ITGAL: variants seen among roughly 807,000 people sequenced by gnomAD.
The protein encoded by ITGAL is integrin alpha-L.
A neutral mutation model predicts 138.4 loss-of-function variants in ITGAL; 68 were observed. The ratio of observed to expected loss-of-function variants is 0.49; its 90% CI spans 0.40 to 0.60. The LOEUF (loss-of-function observed/expected upper bound fraction) is 0.60. Ranked by LOEUF, ITGAL falls within the 20% of genes least tolerant of loss-of-function variation. The probability of loss-of-function intolerance (pLI) is 0.00; values close to 1 mark genes in which losing one functional copy is unlikely to be tolerated. For synonymous variants in ITGAL, 561 were observed against 584.3 expected, an observed-to-expected ratio of 0.96 and a Z score of 0.57; for missense variants, 1,256 against 1,478.6, an observed-to-expected ratio of 0.85 and a Z score of 2.47.
In ITGAL at chr16:30,517,651, G is replaced by T; in HGVS notation, c.2979G>T (p.Glu993Asp). The T allele has an allele frequency of 6.2e-7, 1 of 1,613,920 alleles. No individual in the cohort carries two copies. The highest frequency in any genetic ancestry group is 1.3e-5 in the African/African-American group (1 of 75,028). The stretch of plus-strand genomic sequence containing the variant: ...GAAGACCTGCCGCTTGTTCCTAGGA[G>T]CCTCCCGTGCCCTGCCACTATGAGG... ...PITHQWSVQM[E>D]PPVPCHYEDL... Residue 993 changes from glutamate (E) to aspartate (D), a missense_variant and splice_region_variant, in exon 27 of 31, where the codon GAG (glutamate) becomes GAT (aspartate). Coordinates refer to ENST00000356798, the MANE Select transcript of ITGAL (RefSeq NM_002209.3).
chr16:30,479,532 G>A, intron 6 of ITGAL, 71 bp downstream of exon 6: 1 of 1,471,066 alleles, frequency 6.8e-7, no homozygotes, highest in Admixed American at 1.9e-5. Context: ...AACCATGAAA[G>A]GAAATGTTAG....
chr16:30,506,324 C>T (rs756511583), intron 20 of ITGAL, among the ~76,000 whole-genome samples: 3 of 146,960 alleles, frequency 2.0e-5, no homozygotes, highest in Non-Finnish European at 4.5e-5. Context: ...GAGGCCGAGG[C>T]GGGCGGATCA....
intron 20 of ITGAL, among the ~76,000 whole-genome samples, chr16:30,506,428 G>A (rs1261437375): frequency 6.6e-6 from 1 of 150,682 alleles, no homozygotes; most frequent in Non-Finnish European, 1.5e-5. Flanking sequence ...GCATGGTGGT[G>A]GGCGCCCGTA....
At chr16:30,521,200 A>G (rs904893176) in intron 30 of ITGAL, among the ~76,000 whole-genome samples, 1 of 152,122 alleles carries the variant, frequency 6.6e-6, no homozygotes, top group African/African-American at 2.4e-5. Context: ...TGAGGTCAGG[A>G]GTTCAAGACC....
At chr16:30,500,134 G>A (rs2050873570) in intron 17 of ITGAL, among the ~76,000 whole-genome samples, 1 of 150,154 alleles carries the variant, frequency 6.7e-6, no homozygotes, top group Admixed American at 6.7e-5. Flanking sequence ...CACCCAGGCT[G>A]GAGTGCAGTG....
intron 13 of ITGAL, 156 bp downstream of exon 13, chr16:30,495,006 A>G: frequency 1.3e-6 from 1 of 750,838 alleles, no homozygotes; most frequent in Non-Finnish European, 2.1e-6. Flanking sequence ...GAAAGACTGT[A>G]TGCAGGGTCC....
intron 25 of ITGAL, 119 bp from the exon 26 acceptor site, chr16:30,516,854 A>C: frequency 1.1e-5 from 8 of 750,272 alleles, no homozygotes; most frequent in Admixed American, 1.8e-5. Flanking sequence ...CCTAACCGAC[A>C]AGGGCCCTGG....
intron 23 of ITGAL, 26 bp downstream of exon 23, chr16:30,510,986 G>T (rs781037344): frequency 6.2e-7 from 1 of 1,613,444 alleles, no homozygotes; most frequent in Non-Finnish European, 8.5e-7. Context: ...CCACATCCCT[G>T]CCATGGTCTC....
At chr16:30,481,410 T>G in intron 6 of ITGAL, 29 bp from the exon 7 acceptor site, 1 of 1,561,172 alleles carries the variant, frequency 6.4e-7, no homozygotes, top group Non-Finnish European at 8.8e-7. Context: ...GATATATAAC[T>G]GAATGTCATT....
At chr16:30,498,616 T>C (rs2050838408) in intron 15 of ITGAL, 1 of 154,314 alleles carries the variant, frequency 6.5e-6, no homozygotes, top group Non-Finnish European at 1.4e-5. Context: ...TCACCATTAT[T>C]GGCCAGGCAT....
chr16:30,495,841 T>G (rs968739536), intron 13 of ITGAL, among the ~76,000 whole-genome samples: 10 of 151,560 alleles, frequency 6.6e-5, no homozygotes, highest in Non-Finnish European at 1.3e-4. Context: ...AGAGCAAGAC[T>G]CCATCTCAAA....
intron 4 of ITGAL, among the ~76,000 whole-genome samples, chr16:30,476,443 T>A (rs1489145852): frequency 1.3e-5 from 2 of 152,146 alleles, no homozygotes; most frequent in African/African-American, 4.8e-5. Context: ...TTCATGGTTA[T>A]AAATTTAATG....
chr16:30,513,790 T>C lies in ITGAL; in HGVS notation c.2806T>C (p.Tyr936His), dbSNP rs1410660080. The change falls in exon 25 of 31, where the codon TAT becomes CAT. Residue 936 changes from tyrosine (Y) to histidine (H), a missense_variant. This residue lies in a region of ITGAL where 867 missense variants were observed against 972.5 expected (regional missense o/e 0.89). Transcript: ENST00000356798. ...CCGCAGCCAAGAAGACTCCACACTCTATGTCAGTTTCACCCCCAAAGGCCC... is the reference window on the plus strand; with the variant it reads ...CCGCAGCCAAGAAGACTCCACACTCCATGTCAGTTTCACCCCCAAAGGCCC... The part of the protein sequence containing the change: ...LIQDQEDSTL[Y>H]VSFTPKGPKI... 1 of 1,613,700 alleles carries C rather than the reference T, an allele frequency of 6.2e-7. No individual in the cohort carries two copies. The highest frequency in any genetic ancestry group is 1.3e-5 in the African/African-American group (1 of 74,890).
At chr16:30,515,414 T>C (rs562574230) in intron 25 of ITGAL, among the ~76,000 whole-genome samples, 2 of 152,334 alleles carry the variant, frequency 1.3e-5, no homozygotes, top group Admixed American at 1.3e-4. Flanking sequence ...TTCCAGCTCA[T>C]GCCTGCAGGG....
Position 30,481,464 on chromosome 16 carries a change from G to C in ITGAL, c.602G>C (p.Ser201Thr), listed in dbSNP as rs769006473. 5 of 1,612,322 alleles carry C rather than the reference G, an allele frequency of 3.1e-6. No homozygotes were observed. In the African/African-American group the frequency reaches 6.7e-5, roughly 22 times the overall value. The change falls in exon 7 of 31, where the codon AGC becomes ACC. Residue 201 changes from serine to threonine, a missense_variant. By Grantham distance (58) the Ser-to-Thr change is moderately conservative. Transcript: ENST00000356798. Reference protein sequence around the residue: ...YQFAAVQFSTSYKTEFDFSDY... With the variant: ...YQFAAVQFSTTYKTEFDFSDY... ...TTTGCTGCTGTTCAGTTTTCCACAA[G>C]CTACAAAACAGAATTTGATTTCTCA...
chr16:30,488,341 A>C (rs1304365519), intron 9 of ITGAL, among the ~76,000 whole-genome samples: 1 of 152,076 alleles, frequency 6.6e-6, no homozygotes, highest in Admixed American at 6.6e-5. Context: ...GGTGCCATTC[A>C]TTGAAGTGAG....
At position 30,521,909 on chromosome 16, in the gene ITGAL, C is replaced by T. The variant is rs2051260207; in HGVS notation, c.*244C>T. The T allele has an allele frequency of 4.3e-6, 2 of 463,476 alleles. No homozygotes were observed. Among genetic ancestry groups the T allele is most frequent in the Admixed American group, 3.7e-5 (1 of 26,782 alleles). The allele number at this position is 463,476 out of a possible 1,614,324, so 28.7% of individuals were successfully genotyped here. ...GAGGGCTTGTCATTACCAGACGGTT[C>T]ACCAGCCTCTCTTGGTTTCCTTCCT... On this transcript the variant is annotated 3_prime_UTR_variant, in exon 31 of 31. Coordinates refer to ENST00000356798, the MANE Select transcript of ITGAL (RefSeq NM_002209.3).
intron 22 of ITGAL, 41 bp from the exon 23 acceptor site, chr16:30,510,840 C>G: frequency 6.5e-7 from 1 of 1,538,634 alleles, no homozygotes; most frequent in Non-Finnish European, 9.0e-7. Context: ...GGCTGCTCCT[C>G]ATGACCCTTC....
chr16:30,506,698 C>T lies in ITGAL; in HGVS notation c.2367-17C>T, dbSNP rs1190026223. 5 of 1,603,392 alleles carry T rather than the reference C, an allele frequency of 3.1e-6. No homozygotes were observed. Among genetic ancestry groups the T allele is most frequent in the Non-Finnish European group, 4.3e-6 (5 of 1,173,712 alleles). On this transcript the variant is annotated splice_polypyrimidine_tract_variant and intron_variant, in intron 20 of 30. Transcript: ENST00000356798. ...CTGATCCTCCCTCCTCCATCTTTCC[C>T]TGATCATCCCCCACAGATCCAGAGC...
Sources: allele counts gnomAD v4.1 joint callset (sites outside exome capture counted in the v4.1 genomes callset), GRCh38; gene constraint gnomAD v4.1.1; regional missense constraint gnomAD v4.1.1; transcripts MANE v1.5; gene names NCBI Gene and HGNC (gene_info 2026-07-23, HGNC 2026-07-21).